PCBP3: variants seen among roughly 807,000 people sequenced by gnomAD.
The protein encoded by PCBP3 is poly(rC)-binding protein 3.
PCBP3 carries 25 observed loss-of-function variants against 52.7 expected under a neutral mutation model. The observed-to-expected ratio is 0.47, with a 90% CI of 0.35 to 0.66. PCBP3 has a LOEUF of 0.66. Ranked by LOEUF, PCBP3 falls within the 30% of genes least tolerant of loss-of-function variation. PCBP3 has a pLI of 0.01. For missense variants in PCBP3, 391 were observed against 490.3 expected (o/e 0.80, Z 1.91); for synonymous variants, 162 against 183.0 (o/e 0.89, Z 0.93).
Position 45,912,615 on chromosome 21 carries a change from GGGA to G in PCBP3, c.601-1333_601-1331del, listed in dbSNP as rs577583950. On this transcript the variant is annotated intron_variant, in intron 11 of 17. Transcript: ENST00000681687. ...GGCCCAGCACCCTGTACCCAGTGCA[GGGA>G]GGCTCATGCAGTCCCAGGGGAGGCC... is the stretch of plus-strand genomic sequence containing the variant. Among the ~76,000 whole-genome samples, 541 of 152,242 alleles carry G rather than the reference GGGA, an allele frequency of 3.6e-3. 3 individuals carry two copies. Among genetic ancestry groups the G allele is most frequent in the African/African-American group, 0.013 (526 of 41,542 alleles).
At chr21:45,872,672 T>C (rs1176024167) in intron 5 of PCBP3, 1 of 152,222 alleles carries the variant, frequency 6.6e-6, no homozygotes, top group South Asian at 2.1e-4. Context: ...CCCCTGCCAC[T>C]GTGTGGCTGT....
At chr21:45,779,041 C>A (rs78003538) in intron 4 of PCBP3, among the ~76,000 whole-genome samples, 3 of 152,200 alleles carry the variant, frequency 2.0e-5, no homozygotes, top group Non-Finnish European at 4.4e-5. Flanking sequence ...TGGTTCTTAT[C>A]CTCAGCTGTG....
At chr21:45,689,067 C>T (rs560541738) in intron 2 of PCBP3, among the ~76,000 whole-genome samples, 7 of 151,738 alleles carry the variant, frequency 4.6e-5, no homozygotes, top group African/African-American at 1.4e-4. Flanking sequence ...GGAATACTGC[C>T]GAATTTATTT....
At position 45,645,119 on chromosome 21, in the gene PCBP3, A is replaced by C. The variant is rs541990021; in HGVS notation, c.-279+1251A>C. 9.8e-5 allele frequency among the ~76,000 whole-genome samples: 15 copies of C among 152,368 alleles called. No homozygotes were observed. The South Asian group carries it at 3.1e-3, about 32-fold the overall frequency. Reference sequence around the variant, plus strand: ...ATCTGAAAGGACCTAATTGATCATCACACGACAGAAGCAGAAATAGTTCTG... The same window carrying C: ...ATCTGAAAGGACCTAATTGATCATCCCACGACAGAAGCAGAAATAGTTCTG... On this transcript the variant is annotated intron_variant, in intron 1 of 17. Transcript: ENST00000681687.
rs1254704591 is a variant in PCBP3 at position 45,704,222 on chromosome 21, G to A, written c.-199-31170G>A. Among the ~76,000 whole-genome samples, 1 of 152,190 alleles carries A rather than the reference G, an allele frequency of 6.6e-6. No homozygotes were observed. On this transcript the variant is annotated intron_variant, in intron 2 of 17. Coordinates refer to ENST00000681687, the MANE Select transcript of PCBP3 (RefSeq NM_001384156.1). The surrounding 1 kb of genome is among the most constrained non-coding windows in gnomAD (Gnocchi z 4.1). ...TATCAGATGCTGGGGATGGCTCCAA[G>A]GAGACTCTGGTGGCAACCCTGAGCA...
chr21:45,855,075 T>C (rs1471799450), intron 5 of PCBP3, among the ~76,000 whole-genome samples: 2 of 152,120 alleles, frequency 1.3e-5, no homozygotes, highest in African/African-American at 2.4e-5. Context: ...GTGCCAGGAA[T>C]GGCCAAGGGG....
intron 9 of PCBP3, among the ~76,000 whole-genome samples, chr21:45,908,604 T>A (rs1160715698): frequency 6.6e-6 from 1 of 152,180 alleles, no homozygotes; most frequent in South Asian, 2.1e-4. Context: ...TCTGCCGCGC[T>A]GTCCGCCACG....
intron 4 of PCBP3, among the ~76,000 whole-genome samples, chr21:45,768,860 C>T (rs1317364864): frequency 1.3e-5 from 2 of 152,212 alleles, no homozygotes; most frequent in East Asian, 3.9e-4. Context: ...GCAGTGCTAT[C>T]GTCCCCTCGT....
intron 4 of PCBP3, among the ~76,000 whole-genome samples, chr21:45,810,737 G>A (rs2092664220): frequency 1.3e-5 from 2 of 152,196 alleles, no homozygotes; most frequent in South Asian, 4.1e-4. Context: ...AAGGGTTTGT[G>A]TAAGATTGGT....
In PCBP3 at chr21:45,941,901, C is replaced by G. The variant is rs1011476161; in HGVS notation, c.*195C>G. 2.3e-6 allele frequency: 1 copy of G among 435,658 alleles called. No individual in the cohort carries two copies. Among genetic ancestry groups the G allele is most frequent in the Non-Finnish European group, 4.0e-6 (1 of 247,418 alleles). The allele number at this position is 435,658 out of a possible 1,614,324, so 27.0% of individuals were successfully genotyped here. A position where few individuals can be genotyped will look rare whatever the true frequency, so the allele number is the denominator to read the frequency against. ...TCTCTACAGAGGCTGCAGGCTCCGCCGAGTCCCCCCTCAGTGTTATTTTAT... is the reference window on the plus strand; with the variant it reads ...TCTCTACAGAGGCTGCAGGCTCCGCGGAGTCCCCCCTCAGTGTTATTTTAT... On this transcript the variant is annotated 3_prime_UTR_variant, in exon 18 of 18. Transcript: ENST00000681687.
intron 4 of PCBP3, among the ~76,000 whole-genome samples, chr21:45,801,266 C>T (rs2092292060): frequency 6.6e-6 from 1 of 152,198 alleles, no homozygotes; most frequent in Non-Finnish European, 1.5e-5. Flanking sequence ...GCTAGCCTTG[C>T]CTTAGCTGCT....
intron 5 of PCBP3, among the ~76,000 whole-genome samples, chr21:45,859,502 T>A (rs920316751): frequency 2.0e-5 from 3 of 152,222 alleles, no homozygotes; most frequent in Non-Finnish European, 2.9e-5. Context: ...AACTCCAAGG[T>A]GGCCCTTGGG....
chr21:45,735,726 C>A lies in PCBP3; in HGVS notation c.-162+297C>A, dbSNP rs2085816896. Among the ~76,000 whole-genome samples, 1 of 152,230 alleles carries A rather than the reference C, an allele frequency of 6.6e-6. No individual in the cohort carries two copies. The highest frequency in any genetic ancestry group is 6.5e-5 in the Admixed American group (1 of 15,286). ...CCACAGTTAACCTGACCATGTAGACCAGCAGGAGCTGGAGGGCCAGTTGTT... is the reference window on the plus strand; with the variant it reads ...CCACAGTTAACCTGACCATGTAGACAAGCAGGAGCTGGAGGGCCAGTTGTT... On this transcript the variant is annotated intron_variant, in intron 3 of 17. Transcript: ENST00000681687. The surrounding 1 kb of genome is among the most constrained non-coding windows in gnomAD (Gnocchi z 4.0).
chr21:45,754,457 A>T (rs1244105631), intron 3 of PCBP3, among the ~76,000 whole-genome samples: 2 of 152,204 alleles, frequency 1.3e-5, no homozygotes, highest in Admixed American at 6.5e-5. Context: ...TAACCTACCC[A>T]AATCTGCTGG....
At chr21:45,843,370 T>A (rs2093738433) in intron 4 of PCBP3, among the ~76,000 whole-genome samples, 1 of 152,280 alleles carries the variant, frequency 6.6e-6, no homozygotes, top group African/African-American at 2.4e-5. Context: ...CCAAATTTTA[T>A]ATTTACTGAT....
At chr21:45,749,555 T>C (rs1341487579) in intron 3 of PCBP3, 1 of 152,284 alleles carries the variant, frequency 6.6e-6, no homozygotes, top group Non-Finnish European at 1.5e-5. Context: ...AATGTTTGAC[T>C]CTGAAAACTT....
intron 2 of PCBP3, among the ~76,000 whole-genome samples, chr21:45,703,895 C>T (rs947135356): frequency 6.6e-6 from 1 of 152,070 alleles, no homozygotes; most frequent in Non-Finnish European, 1.5e-5. Context: ...TTGCAGTTGT[C>T]ACATGAGGTT....
At chr21:45,799,373 TGA>T (rs1022309933) in intron 4 of PCBP3, among the ~76,000 whole-genome samples, 2 of 152,134 alleles carry the variant, frequency 1.3e-5, no homozygotes, top group African/African-American at 2.4e-5. Flanking sequence ...TGAGATATCT[TGA>T]GAGAGAGAGA....
chr21:45,780,576 G>A (rs567758595), intron 4 of PCBP3, among the ~76,000 whole-genome samples: 1 of 152,298 alleles, frequency 6.6e-6, no homozygotes, highest in East Asian at 1.9e-4. Flanking sequence ...TTCTTGCCAG[G>A]GTGGCCACTC....
Sources: gnomAD v4.1 joint callset for allele counts (sites outside exome capture counted in the v4.1 genomes callset) on GRCh38, gnomAD v4.1.1 for gene constraint, Gnocchi (gnomAD v3.1) non-coding constraint, MANE v1.5 for transcripts, NCBI Gene and HGNC (gene_info 2026-07-23, HGNC 2026-07-21) for gene names.